PPP1R12B: variants seen among roughly 807,000 people sequenced by gnomAD.
The protein encoded by PPP1R12B is myosin phosphatase target subunit 2.
A neutral mutation model predicts 126.1 loss-of-function variants in PPP1R12B; 76 were observed. The ratio of observed to expected loss-of-function variants is 0.60; its 90% CI spans 0.50 to 0.73. PPP1R12B has a LOEUF of 0.73. Among genes scored for constraint, PPP1R12B ranks in the 30% least tolerant of loss-of-function variants. PPP1R12B has a pLI of 0.00. For synonymous variants in PPP1R12B, 356 were observed against 434.7 expected (o/e 0.82, Z 2.25); for missense variants, 1,052 against 1,205.1 (o/e 0.87, Z 1.88).
intron 22 of PPP1R12B, among the ~76,000 whole-genome samples, chr1:202,568,369 A>G (rs1688259080): frequency 6.6e-6 from 1 of 152,212 alleles, no homozygotes; most frequent in African/African-American, 2.4e-5. Context: ...AACTGTACTC[A>G]GAATATTATT....
At position 202,555,325 on chromosome 1, in the gene PPP1R12B, GAAA is replaced by G. The variant is rs56752885; in HGVS notation, c.2491-3526_2491-3524del. Among the ~76,000 whole-genome samples the G allele has an allele frequency of 7.8e-3, 197 of 25,332 alleles. 1 individual carries two copies. Among genetic ancestry groups the G allele is most frequent in the Middle Eastern group, 0.036 (1 of 28 alleles). 16.6% of individuals were successfully genotyped at this position (25,332 alleles called of 152,430 possible). A position where few individuals can be genotyped will look rare whatever the true frequency, so the allele number is the denominator to read the frequency against. Reference sequence around the variant, plus strand: ...AAAACCCTAATTTTCCTGTTTTAATGAAAAAAAAAAAAAAAAAAAAAAAAAAAA... The same window carrying G: ...AAAACCCTAATTTTCCTGTTTTAATGAAAAAAAAAAAAAAAAAAAAAAAAA... On this transcript the variant is annotated intron_variant, in intron 18 of 23. Coordinates refer to ENST00000608999, the MANE Select transcript of PPP1R12B (RefSeq NM_002481.4).
chr1:202,409,162 A>G (rs1667054326), intron 1 of PPP1R12B, among the ~76,000 whole-genome samples: 1 of 151,976 alleles, frequency 6.6e-6, no homozygotes, highest in Non-Finnish European at 1.5e-5. Flanking sequence ...GTTTATACCC[A>G]GAATTCTTCT....
intron 18 of PPP1R12B, chr1:202,540,274 A>C (rs1372613113): frequency 2.7e-6 from 4 of 1,503,564 alleles, no homozygotes; most frequent in Non-Finnish European, 3.7e-6. Context: ...GTATGTTCAT[A>C]GCTGTGTCAA....
chr1:202,474,838 A>G (rs1243329228), intron 13 of PPP1R12B, among the ~76,000 whole-genome samples: 2 of 152,204 alleles, frequency 1.3e-5, no homozygotes, highest in Non-Finnish European at 2.9e-5. Flanking sequence ...TGGGCTGTGC[A>G]GGTATACAAC....
chr1:202,362,382 T>G (rs17438212), intron 1 of PPP1R12B, among the ~76,000 whole-genome samples: 17,604 of 152,274 alleles, frequency 0.12, 1,262 homozygotes, highest in Middle Eastern at 0.17. Context: ...CCAGGATTCC[T>G]TCCATCTGTT....
In PPP1R12B at chr1:202,591,943, C is replaced by T. The variant is rs1480206648; in HGVS notation, c.*11383C>T. 2 of 152,880 alleles carry T rather than the reference C, an allele frequency of 1.3e-5. No individual in the cohort carries two copies. The highest frequency in any genetic ancestry group is 2.9e-5 in the Non-Finnish European group (2 of 68,246). The allele number at this position is 152,880 out of a possible 1,614,324, so 9.5% of individuals were successfully genotyped here. ...CCGAGAAAGCCAGCTCGGGCAGGGC[C>T]AGCATGGGCATCTCCTGAGACCCCA... On this transcript the variant is annotated 3_prime_UTR_variant, in exon 24 of 24. Coordinates refer to ENST00000608999, the MANE Select transcript of PPP1R12B (RefSeq NM_002481.4).
At chr1:202,554,790 C>G (rs547030281) in intron 18 of PPP1R12B, among the ~76,000 whole-genome samples, 3 of 151,730 alleles carry the variant, frequency 2.0e-5, no homozygotes, top group Admixed American at 2.0e-4. Context: ...AAACAACAGA[C>G]TGTGGTGTTT....
At chr1:202,456,101 T>A (rs967631190) in intron 13 of PPP1R12B, among the ~76,000 whole-genome samples, 1 of 151,900 alleles carries the variant, frequency 6.6e-6, no homozygotes, top group Non-Finnish European at 1.5e-5. Context: ...AAATCCCGTC[T>A]CTAATAAAAA....
rs371128099 is a variant in PPP1R12B, at chr1:202,365,217, A to G, written c.291+16075A>G. 3.9e-5 allele frequency among the ~76,000 whole-genome samples: 6 copies of G among 152,212 alleles called. No homozygotes were observed. The East Asian group carries it at 9.7e-4, about 25-fold the overall frequency. On this transcript the variant is annotated intron_variant, in intron 1 of 23. Coordinates refer to ENST00000608999, the MANE Select transcript of PPP1R12B (RefSeq NM_002481.4). The stretch of plus-strand genomic sequence containing the variant: ...GTAATTCCAGCACCTTGGGATGCCA[A>G]GGCGAGAGGATCACTTGAGGCCAGG...
chr1:202,388,909 A>C (rs997096672), intron 1 of PPP1R12B, among the ~76,000 whole-genome samples: 7 of 152,230 alleles, frequency 4.6e-5, no homozygotes, highest in African/African-American at 1.7e-4. Context: ...AGTAATTAAA[A>C]TGCTATAGTA....
intron 18 of PPP1R12B, among the ~76,000 whole-genome samples, chr1:202,529,453 A>T (rs1328279796): frequency 1.3e-5 from 2 of 152,210 alleles, no homozygotes; most frequent in East Asian, 3.8e-4. Context: ...TGAATCATAC[A>T]TAGATTGCTT....
At position 202,449,103 on chromosome 1, in the gene PPP1R12B, G is replaced by C. The variant is rs1672618838; in HGVS notation, c.1782G>C (p.Gly594=). ...TNRPLPSTAN[G]VTATPVLSIT... Reference sequence around the variant, plus strand: ...GCCCTCTTCCTAGCACTGCCAATGGGGTTACAGCTACTCCTGTGCTCTCCA... The same window carrying C: ...GCCCTCTTCCTAGCACTGCCAATGGCGTTACAGCTACTCCTGTGCTCTCCA... Residue 594 remains glycine, a synonymous_variant, in exon 13 of 24, where the codon GGG becomes GGC. Transcript: ENST00000608999. 3.1e-6 allele frequency: 5 copies of C among 1,613,754 alleles called. No individual in the cohort carries two copies. The highest frequency in any genetic ancestry group is 4.2e-6 in the Non-Finnish European group (5 of 1,179,810).
intron 18 of PPP1R12B, among the ~76,000 whole-genome samples, chr1:202,530,755 C>T (rs1683851520): frequency 6.6e-6 from 1 of 152,206 alleles, no homozygotes; most frequent in African/African-American, 2.4e-5. Context: ...AGCACCATCT[C>T]TTCTCCCTAC....
At chr1:202,468,006 G>T (rs998328681) in intron 13 of PPP1R12B, among the ~76,000 whole-genome samples, 1,584 of 152,226 alleles carry the variant, frequency 0.01, 27 homozygotes, top group African/African-American at 0.037. Context: ...GTGTTTTTTG[G>T]CTGCATAAGT....
At chr1:202,441,677 A>T (rs1459185838) in intron 11 of PPP1R12B, among the ~76,000 whole-genome samples, 4 of 152,090 alleles carry the variant, frequency 2.6e-5, no homozygotes, top group Non-Finnish European at 5.9e-5. Context: ...CTAGTACAGC[A>T]CTTTCCTGGA....
intron 18 of PPP1R12B, among the ~76,000 whole-genome samples, chr1:202,527,088 A>G (rs1483336477): frequency 6.6e-6 from 1 of 152,152 alleles, no homozygotes; most frequent in Non-Finnish European, 1.5e-5. Flanking sequence ...ATAAAAGCAG[A>G]AATTAATGAA....
intron 8 of PPP1R12B, among the ~76,000 whole-genome samples, chr1:202,432,929 T>C (rs953411809): frequency 7.2e-5 from 11 of 152,242 alleles, no homozygotes; most frequent in Admixed American, 1.3e-4. Flanking sequence ...TTTGCTGATA[T>C]GATTTCTCTC....
rs1242310869 is a variant in PPP1R12B at position 202,565,905 on chromosome 1, A to G, written c.2757+1358A>G. Reference sequence around the variant, plus strand: ...CAACATTATTGAGCCAGGCAAAAAAAAAAAAAAGTCTCATTCACAGTAGAC... The same window carrying G: ...CAACATTATTGAGCCAGGCAAAAAAGAAAAAAAGTCTCATTCACAGTAGAC... On this transcript the variant is annotated intron_variant, in intron 21 of 23. Transcript: ENST00000608999. The surrounding 1 kb of genome is among the most constrained non-coding windows in gnomAD (Gnocchi z 4.3). 6.6e-6 allele frequency among the ~76,000 whole-genome samples: 1 copy of G among 152,248 alleles called. No homozygotes were observed. The highest frequency in any genetic ancestry group is 1.5e-5 in the Non-Finnish European group (1 of 68,052).
chr1:202,573,044 G>T (rs1688757212), intron 23 of PPP1R12B, among the ~76,000 whole-genome samples: 1 of 152,160 alleles, frequency 6.6e-6, no homozygotes, highest in South Asian at 2.1e-4. Context: ...TCCCTGGGAG[G>T]TAAGTACCAC....
Sources: gnomAD v4.1 joint callset for allele counts (sites outside exome capture counted in the v4.1 genomes callset) on GRCh38, gnomAD v4.1.1 for gene constraint, Gnocchi (gnomAD v3.1) non-coding constraint, MANE v1.5 for transcripts, NCBI Gene and HGNC (gene_info 2026-07-23, HGNC 2026-07-21) for gene names.